NFIA: variants seen among roughly 807,000 people sequenced by gnomAD.
The protein encoded by NFIA is nuclear factor I A.
A neutral mutation model predicts 62.8 loss-of-function variants in NFIA; 8 were observed. That is an observed-to-expected ratio of 0.13 (90% CI 0.07 to 0.23). The LOEUF is 0.23. Ranked by LOEUF, NFIA falls within the 10% of genes least tolerant of loss-of-function variation. The pLI is 1.00. For missense variants in NFIA, 410 were observed against 642.1 expected (o/e 0.64, Z 3.91); for synonymous variants, 235 against 238.1 (o/e 0.99, Z 0.12).
intron 2 of NFIA, among the ~76,000 whole-genome samples, chr1:61,263,130 A>G: frequency 6.6e-6 from 1 of 152,056 alleles, no homozygotes; most frequent in South Asian, 2.1e-4. Context: ...TTCTCCTTTG[A>G]CTTTGTTTTT....
At chr1:61,433,225 T>C (rs1667182771) in intron 10 of NFIA, among the ~76,000 whole-genome samples, 1 of 152,238 alleles carries the variant, frequency 6.6e-6, no homozygotes, top group Non-Finnish European at 1.5e-5. Flanking sequence ...CCCGGTCTCC[T>C]GTTAGTTCAT....
chr1:61,153,709 TTAGACATGTGA>T (rs1341727431), intron 2 of NFIA, among the ~76,000 whole-genome samples: 1 of 152,238 alleles, frequency 6.6e-6, no homozygotes, highest in Non-Finnish European at 1.5e-5. Context: ...TTCTGCCTTA[TTAGACATGTGA>T]TAGACAAAGG....
At chr1:61,241,163 C>G in intron 2 of NFIA, among the ~76,000 whole-genome samples, 1 of 152,026 alleles carries the variant, frequency 6.6e-6, no homozygotes, top group East Asian at 1.9e-4. Context: ...CAGCACCTCT[C>G]CCTTCTATTT....
At chr1:61,161,997 G>A (rs1570290748) in intron 2 of NFIA, among the ~76,000 whole-genome samples, 1 of 152,188 alleles carries the variant, frequency 6.6e-6, no homozygotes, top group East Asian at 1.9e-4. Flanking sequence ...TAAAGTCATA[G>A]ACATCTGTAG....
intron 2 of NFIA, among the ~76,000 whole-genome samples, chr1:61,183,761 G>GGAGAGA (rs1179249538): frequency 6.6e-6 from 1 of 152,052 alleles, no homozygotes; most frequent in Non-Finnish European, 1.5e-5. Flanking sequence ...AGAGGGAGAG[G>GGAGAGA]GAGAGACCTC....
chr1:61,352,605 A>C (rs960504320), intron 5 of NFIA, 38 bp downstream of exon 5: 1 of 1,438,944 alleles, frequency 6.9e-7, no homozygotes, highest in Admixed American at 1.7e-5. Flanking sequence ...ATTATGCTAC[A>C]TGGTTGCACA....
intron 2 of NFIA, among the ~76,000 whole-genome samples, chr1:61,191,767 CT>C (rs974559342): frequency 5.3e-5 from 8 of 152,062 alleles, no homozygotes; most frequent in Admixed American, 3.9e-4. Context: ...CAGAGATCTG[CT>C]TTTTTCCCCC....
At chr1:61,281,109 A>C (rs1334792483) in intron 3 of NFIA, among the ~76,000 whole-genome samples, 1 of 151,990 alleles carries the variant, frequency 6.6e-6, no homozygotes, top group Non-Finnish European at 1.5e-5. Context: ...GCATAGTGGC[A>C]CATGCCTGTA....
intron 2 of NFIA, among the ~76,000 whole-genome samples, chr1:61,120,249 A>G (rs550647655): frequency 6.6e-6 from 1 of 152,354 alleles, no homozygotes; most frequent in South Asian, 2.1e-4. Context: ...CAACATCCTA[A>G]TAAAATAATA....
intron 2 of NFIA, among the ~76,000 whole-genome samples, chr1:61,167,124 G>A (rs544450594): frequency 6.6e-6 from 1 of 152,204 alleles, no homozygotes; most frequent in African/African-American, 2.4e-5. Flanking sequence ...CTGGGTGACA[G>A]AGTGAGACTC....
chr1:61,441,292 G>GGTGTGTGTGTGTGTGT (rs763246425), intron 10 of NFIA, among the ~76,000 whole-genome samples: 74 of 139,442 alleles, frequency 5.3e-4, no homozygotes, highest in East Asian at 2.2e-3. Context: ...GCCGTGCAGG[G>GGTGTGTGTGTGTGTGT]GTGTGTGTGT....
intron 2 of NFIA, among the ~76,000 whole-genome samples, chr1:61,267,998 C>T (rs1657278671): frequency 6.6e-6 from 1 of 152,122 alleles, no homozygotes; most frequent in Non-Finnish European, 1.5e-5. Flanking sequence ...GGAGAATGAT[C>T]CAGTATCATT....
At chr1:61,426,640 C>A in intron 10 of NFIA, 84 bp downstream of exon 10, 1 of 984,936 alleles carries the variant, frequency 1.0e-6, no homozygotes, top group Non-Finnish European at 1.6e-6. Context: ...GCACAAAAGG[C>A]CACATTTTCC....
At chr1:61,081,224 A>G (rs1241804255), upstream of NFIA, among the ~76,000 whole-genome samples, 1 of 152,004 alleles carries the variant, frequency 6.6e-6, no homozygotes, top group Non-Finnish European at 1.5e-5. Flanking sequence ...CCCCCCTCCG[A>G]GAGAGGAGAG....
chr1:61,142,034 TAGAA>T (rs768035312), intron 2 of NFIA, among the ~76,000 whole-genome samples: 6 of 152,002 alleles, frequency 3.9e-5, no homozygotes, highest in Non-Finnish European at 8.8e-5. Flanking sequence ...ACAGTTAAAA[TAGAA>T]AGAAGAGAAG....
rs183776636 is a variant in NFIA at position 61,142,403 on chromosome 1, A to C, written c.559+53723A>C. Among the ~76,000 whole-genome samples, 38 of 152,336 alleles carry C rather than the reference A, an allele frequency of 2.5e-4. 1 individual carries two copies. In the East Asian group the frequency reaches 6.7e-3, roughly 27 times the overall value. On this transcript the variant is annotated intron_variant, in intron 2 of 10. Transcript: ENST00000403491. Reference sequence around the variant, plus strand: ...AACATACTGTATGTTATTTTTGCTTAATTTTAGATTCCACATTTTAAAATT... The same window carrying C: ...AACATACTGTATGTTATTTTTGCTTCATTTTAGATTCCACATTTTAAAATT...
chr1:61,385,745 C>T (rs1664649505), intron 7 of NFIA: 1 of 152,140 alleles, frequency 6.6e-6, no homozygotes, highest in African/African-American at 2.4e-5. Flanking sequence ...CAGAGTGGAC[C>T]TCCTTAGCTC....
chr1:61,367,683 G>A (rs1031283503), intron 6 of NFIA, among the ~76,000 whole-genome samples: 4 of 152,130 alleles, frequency 2.6e-5, no homozygotes, highest in South Asian at 2.1e-4. Context: ...AAAATCCCTT[G>A]CCTTCTTTAT....
intron 2 of NFIA, among the ~76,000 whole-genome samples, chr1:61,183,574 G>C (rs1413029341): frequency 6.6e-6 from 1 of 152,182 alleles, no homozygotes; most frequent in South Asian, 2.1e-4. Flanking sequence ...AGACATGCCT[G>C]GCCAATCAGA....
Sources: allele counts gnomAD v4.1 joint callset (sites outside exome capture counted in the v4.1 genomes callset), GRCh38; gene constraint gnomAD v4.1.1; transcripts MANE v1.5; gene names NCBI Gene and HGNC (gene_info 2026-07-23, HGNC 2026-07-21).